GRM7: variants seen among roughly 807,000 people sequenced by gnomAD.
GRM7 encodes the protein metabotropic glutamate receptor 7.
Under a neutral mutation model 84.5 loss-of-function variants are expected in GRM7, and 35 were observed. That is an observed-to-expected ratio of 0.41 (90% CI 0.32 to 0.55). The LOEUF (loss-of-function observed/expected upper bound fraction) is 0.55. Among genes scored for constraint, GRM7 ranks in the 20% least tolerant of loss-of-function variants. GRM7 has a pLI of 0.19. For missense variants in GRM7, 1,003 were observed against 1,194.6 expected (o/e 0.84, Z 2.36); for synonymous variants, 487 against 455.1 (o/e 1.07, Z -0.89).
chr3:7,463,003 T>G (rs3729591), intron 7 of GRM7, among the ~76,000 whole-genome samples: 78,421 of 151,518 alleles, frequency 0.52, 22,187 homozygotes, highest in Non-Finnish European at 0.65. Flanking sequence ...AAACTCAAGG[T>G]GGGGGAGTAG....
intron 1 of GRM7, among the ~76,000 whole-genome samples, chr3:7,134,946 C>A (rs1401114871): frequency 6.6e-6 from 1 of 152,102 alleles, no homozygotes. Flanking sequence ...GATCCACACA[C>A]AAAACTACTT....
At chr3:7,002,823 G>T (rs1047228442) in intron 1 of GRM7, among the ~76,000 whole-genome samples, 1 of 152,006 alleles carries the variant, frequency 6.6e-6, no homozygotes, top group Non-Finnish European at 1.5e-5. Flanking sequence ...AATAGCCAAG[G>T]TATAGAATTA....
Position 7,680,222 on chromosome 3 carries a change from G to A in GRM7, c.2625G>A (p.Arg875=). Residue 875 remains arginine (R), a synonymous_variant, in exon 9 of 10, where the codon AGG becomes AGA. Transcript: ENST00000357716. ...AVVTAATMSS[R]LSHKPSDRPN... ...TCACAGCAGCCACCATGTCATCGAG[G>A]CTGTCACACAAACCCAGTGACAGAC... The A allele has an allele frequency of 5.0e-6, 8 of 1,614,124 alleles. No homozygotes were observed. The highest frequency in any genetic ancestry group is 6.8e-6 in the Non-Finnish European group (8 of 1,179,964).
intron 1 of GRM7, among the ~76,000 whole-genome samples, chr3:7,052,588 C>A (rs140874812): frequency 0.024 from 3,672 of 151,584 alleles, 159 homozygotes; most frequent in African/African-American, 0.085. Flanking sequence ...TCTGTGACCA[C>A]TAGTTACTTT....
At chr3:7,456,114 A>AT (rs972006891) in intron 6 of GRM7, among the ~76,000 whole-genome samples, 91 of 151,930 alleles carry the variant, frequency 6.0e-4, no homozygotes, top group African/African-American at 2.1e-3. Context: ...TATAAATTTT[A>AT]TTTTTTTCAA....
chr3:7,605,992 T>C (rs1428782937), intron 8 of GRM7, among the ~76,000 whole-genome samples: 1 of 152,228 alleles, frequency 6.6e-6, no homozygotes, highest in Non-Finnish European at 1.5e-5. Context: ...TGTTGACCGA[T>C]GTCTGAGGTA....
intron 8 of GRM7, among the ~76,000 whole-genome samples, chr3:7,632,017 C>A (rs1470090604): frequency 6.6e-6 from 1 of 152,140 alleles, no homozygotes; most frequent in Non-Finnish European, 1.5e-5. Context: ...TAAGGGAAGA[C>A]AACTGAATAT....
rs376902738 is a variant in GRM7, at chr3:7,420,670, A to T, written c.1174+5507A>T. Among the ~76,000 whole-genome samples, 43 of 152,192 alleles carry T rather than the reference A, an allele frequency of 2.8e-4. No individual in the cohort carries two copies. In the East Asian group the frequency reaches 4.8e-3, roughly 17 times the overall value. ...TTCCATCACCCTTAAATCTTCCCCTACCTACCTCTATAAATGGCTTGTTTC... is the reference window on the plus strand; with the variant it reads ...TTCCATCACCCTTAAATCTTCCCCTTCCTACCTCTATAAATGGCTTGTTTC... On this transcript the variant is annotated intron_variant, in intron 5 of 9. Transcript: ENST00000357716.
At chr3:7,036,774 G>A (rs2054764493) in intron 1 of GRM7, among the ~76,000 whole-genome samples, 1 of 133,326 alleles carries the variant, frequency 7.5e-6, no homozygotes, top group African/African-American at 2.9e-5. Flanking sequence ...CTAAAAATTA[G>A]CAAGGTCTTT....
chr3:7,270,016 T>C (rs1698794685), intron 2 of GRM7, among the ~76,000 whole-genome samples: 1 of 152,218 alleles, frequency 6.6e-6, no homozygotes, highest in Non-Finnish European at 1.5e-5. Context: ...CATGGAAGGC[T>C]TGTTAATACA....
At chr3:7,653,310 G>C (rs1337856483) in intron 8 of GRM7, among the ~76,000 whole-genome samples, 3 of 144,494 alleles carry the variant, frequency 2.1e-5, no homozygotes, top group East Asian at 2.2e-4. Context: ...TTTTTTAAAA[G>C]CCTCTCTACT....
intron 1 of GRM7, among the ~76,000 whole-genome samples, chr3:6,935,538 T>C (rs1285452367): frequency 6.6e-6 from 1 of 151,972 alleles, no homozygotes; most frequent in Non-Finnish European, 1.5e-5. Flanking sequence ...TCACCCTTTT[T>C]ACCTGCTCTG....
At chr3:7,229,993 C>T (rs1319311141) in intron 2 of GRM7, among the ~76,000 whole-genome samples, 1 of 150,494 alleles carries the variant, frequency 6.6e-6, no homozygotes, top group Non-Finnish European at 1.5e-5. Context: ...GCGCCCACCA[C>T]CACGCCTGGC....
At chr3:7,331,838 G>T (rs1311492540) in intron 4 of GRM7, among the ~76,000 whole-genome samples, 1 of 152,118 alleles carries the variant, frequency 6.6e-6, no homozygotes, top group Non-Finnish European at 1.5e-5. Flanking sequence ...AATTAGAGAA[G>T]AATCAAGGGA....
At chr3:7,166,688 A>G (rs968622866) in intron 2 of GRM7, among the ~76,000 whole-genome samples, 1 of 152,202 alleles carries the variant, frequency 6.6e-6, no homozygotes, top group Non-Finnish European at 1.5e-5. Flanking sequence ...AGCCAATTCC[A>G]GGGCAGCTGC....
chr3:7,082,387 A>G (rs931455985), intron 1 of GRM7, among the ~76,000 whole-genome samples: 1 of 152,086 alleles, frequency 6.6e-6, no homozygotes, highest in African/African-American at 2.4e-5. Flanking sequence ...TAAGTCCACT[A>G]TTGAGAGCTA....
intron 7 of GRM7, among the ~76,000 whole-genome samples, chr3:7,566,910 A>C (rs77022162): frequency 0.015 from 2,250 of 152,314 alleles, 62 homozygotes; most frequent in African/African-American, 0.05. Context: ...CCAACTATTC[A>C]ATTTCTCTGG....
rs368327312 is a variant in GRM7, at chr3:7,151,864, A to G, written c.736+5196A>G. 9.2e-5 allele frequency among the ~76,000 whole-genome samples: 14 copies of G among 152,046 alleles called. No individual in the cohort carries two copies. The East Asian group carries it at 2.7e-3, about 30-fold the overall frequency. Reference sequence around the variant, plus strand: ...ATTCCTATATAAAACTGATAGCAGTATGGTGCAACCAGGCTGTAATTCCTA... The same window carrying G: ...ATTCCTATATAAAACTGATAGCAGTGTGGTGCAACCAGGCTGTAATTCCTA... On this transcript the variant is annotated intron_variant, in intron 2 of 9. Coordinates refer to ENST00000357716, the MANE Select transcript of GRM7 (RefSeq NM_000844.4). This position sits in a 1 kb window ranked among gnomAD's most constrained non-coding sequence, Gnocchi z 4.5.
chr3:7,383,854 C>T (rs1379643663), intron 4 of GRM7, among the ~76,000 whole-genome samples: 2 of 152,114 alleles, frequency 1.3e-5, no homozygotes, highest in Non-Finnish European at 2.9e-5. Flanking sequence ...TACTTTTTTA[C>T]GTAGAACTAT....
Sources: allele counts gnomAD v4.1 joint callset (sites outside exome capture counted in the v4.1 genomes callset), GRCh38; gene constraint gnomAD v4.1.1; non-coding constraint Gnocchi (gnomAD v3.1); transcripts MANE v1.5; gene names NCBI Gene and HGNC (gene_info 2026-07-23, HGNC 2026-07-21).